Variants in PLXDC2 observed in about 807,000 individuals in gnomAD.
PLXDC2 encodes plexin domain containing 2.
PLXDC2 carries 40 observed loss-of-function variants against 68.9 expected under a neutral mutation model. The observed-to-expected ratio is 0.58, with a 90% CI of 0.45 to 0.76. The LOEUF is 0.76. Ranked by LOEUF, PLXDC2 falls within the 30% of genes least tolerant of loss-of-function variation. PLXDC2 has a pLI of 0.00. For synonymous variants in PLXDC2, 243 were observed against 234.2 expected, an observed-to-expected ratio of 1.04 and a Z score of -0.34; for missense variants, 644 against 661.9, an observed-to-expected ratio of 0.97 and a Z score of 0.30.
chr10:19,943,151 A>G (rs1285673395), intron 1 of PLXDC2, among the ~76,000 whole-genome samples: 2 of 152,190 alleles, frequency 1.3e-5, no homozygotes, highest in Non-Finnish European at 2.9e-5. Flanking sequence ...ATTTTCACAG[A>G]GGAGGATTCT....
rs144148203 is a variant in PLXDC2 at position 19,960,019 on chromosome 10, A to G, written c.113-41756A>G. ...CACTCACACAAAATGTAATGACTTC[A>G]TAAATACTTGTTATGGAAAGGGAAA... On this transcript the variant is annotated intron_variant, in intron 1 of 13. Transcript: ENST00000377252. Among the ~76,000 whole-genome samples the G allele has an allele frequency of 4.9e-3, 746 of 152,216 alleles. 6 individuals are homozygous for G. Among genetic ancestry groups the G allele is most frequent in the African/African-American group, 0.016 (657 of 41,540 alleles).
At chr10:20,003,018 GGGA>G (rs1834968822) in intron 2 of PLXDC2, among the ~76,000 whole-genome samples, 1 of 152,152 alleles carries the variant, frequency 6.6e-6, no homozygotes. Context: ...ATGAAGCGGA[GGGA>G]GGAGAATGGT....
At chr10:19,921,815 T>C (rs1833465910) in intron 1 of PLXDC2, among the ~76,000 whole-genome samples, 2 of 152,166 alleles carry the variant, frequency 1.3e-5, no homozygotes, top group African/African-American at 4.8e-5. Context: ...TTAGGGCCAG[T>C]TGGGACAACT....
chr10:19,837,407 AGAGTGT>A (rs1280275938), intron 1 of PLXDC2, among the ~76,000 whole-genome samples: 7,677 of 87,034 alleles, frequency 0.088, 149 homozygotes, highest in Admixed American at 0.093. Context: ...AGAGAGAGAG[AGAGTGT>A]GTGTGTGTGT....
At chr10:20,114,671 T>C (rs1049640049) in intron 4 of PLXDC2, among the ~76,000 whole-genome samples, 1 of 152,048 alleles carries the variant, frequency 6.6e-6, no homozygotes, top group South Asian at 2.1e-4. Context: ...AAAAGATGAA[T>C]AGGATTTTTC....
At chr10:19,834,256 C>T (rs142168066) in intron 1 of PLXDC2, among the ~76,000 whole-genome samples, 1 of 151,926 alleles carries the variant, frequency 6.6e-6, no homozygotes, top group Admixed American at 6.6e-5. Flanking sequence ...TTTCAATGGA[C>T]TGGGAAAGGA....
chr10:19,834,430 G>A (rs959057669), intron 1 of PLXDC2, among the ~76,000 whole-genome samples: 2 of 152,114 alleles, frequency 1.3e-5, no homozygotes, highest in African/African-American at 2.4e-5. Flanking sequence ...CCAAAAAGGG[G>A]CTGAGAGAAA....
chr10:20,218,756 G>C (rs1835173054), intron 11 of PLXDC2, among the ~76,000 whole-genome samples: 1 of 152,074 alleles, frequency 6.6e-6, no homozygotes, highest in South Asian at 2.1e-4. Flanking sequence ...ATTACAATAA[G>C]TGATTTTAGA....
chr10:20,119,141 G>A (rs754043643), intron 4 of PLXDC2, among the ~76,000 whole-genome samples: 10 of 152,038 alleles, frequency 6.6e-5, no homozygotes, highest in East Asian at 1.9e-4. Flanking sequence ...ATCAAGTAAC[G>A]AACATGTAAG....
chr10:20,034,078 TAAAG>T (rs1183437588), intron 2 of PLXDC2, among the ~76,000 whole-genome samples: 5 of 152,182 alleles, frequency 3.3e-5, no homozygotes, highest in African/African-American at 9.6e-5. Context: ...AATTAATACA[TAAAG>T]AGAGACTCCT....
chr10:19,817,278 A>C, intron 1 of PLXDC2, 87 bp downstream of exon 1: 3 of 1,065,958 alleles, frequency 2.8e-6, no homozygotes, highest in Non-Finnish European at 4.2e-6. Context: ...TCTCCCCCCA[A>C]CATCACCTAT....
rs954843101 is a variant in PLXDC2, at chr10:20,285,381, C to G, written c.*5562C>G. On this transcript the variant is annotated 3_prime_UTR_variant, in exon 14 of 14. Transcript: ENST00000377252. Reference sequence around the variant, plus strand: ...ACTTGTGATATACAGTAGTGAGAGTCCAGGCATGTAACCGATCATTATAAT... The same window carrying G: ...ACTTGTGATATACAGTAGTGAGAGTGCAGGCATGTAACCGATCATTATAAT... 3 of 152,134 alleles carry G rather than the reference C, an allele frequency of 2.0e-5. No homozygotes were observed. The highest frequency in any genetic ancestry group is 2.0e-4 in the Admixed American group (3 of 15,274). 9.4% of individuals were successfully genotyped at this position (152,134 alleles called of 1,614,324 possible). A position where few individuals can be genotyped will look rare whatever the true frequency, so the allele number is the denominator to read the frequency against.
At chr10:19,915,108 A>C (rs1302084156) in intron 1 of PLXDC2, among the ~76,000 whole-genome samples, 1 of 152,164 alleles carries the variant, frequency 6.6e-6, no homozygotes, top group Admixed American at 6.6e-5. Flanking sequence ...TAGAACATTT[A>C]CACTTAATAA....
At chr10:19,921,860 T>A (rs1926205) in intron 1 of PLXDC2, among the ~76,000 whole-genome samples, 7,186 of 152,198 alleles carry the variant, frequency 0.047, 202 homozygotes, top group South Asian at 0.098. Flanking sequence ...CAATTTTTTT[T>A]AATTTTTTTA....
At chr10:20,155,256 A>G (rs1834202860) in intron 6 of PLXDC2, among the ~76,000 whole-genome samples, 1 of 152,228 alleles carries the variant, frequency 6.6e-6, no homozygotes, top group African/African-American at 2.4e-5. Flanking sequence ...GAAAGTATTG[A>G]AAGATGAACA....
chr10:19,844,898 A>G (rs1836977139), intron 1 of PLXDC2, among the ~76,000 whole-genome samples: 1 of 152,200 alleles, frequency 6.6e-6, no homozygotes, highest in Non-Finnish European at 1.5e-5. Context: ...CTGTCCAAAA[A>G]TGTCACTTAT....
intron 7 of PLXDC2, among the ~76,000 whole-genome samples, chr10:20,169,714 A>G (rs1057075702): frequency 2.6e-5 from 4 of 152,144 alleles, no homozygotes; most frequent in Non-Finnish European, 2.9e-5. Flanking sequence ...CACTCATGCC[A>G]TGTGGTTCTT....
At chr10:20,246,814 T>C (rs747795256) in intron 13 of PLXDC2, among the ~76,000 whole-genome samples, 4 of 152,270 alleles carry the variant, frequency 2.6e-5, no homozygotes, top group African/African-American at 4.8e-5. Flanking sequence ...CTTGGAATTA[T>C]GTTCACTTGT....
intron 2 of PLXDC2, among the ~76,000 whole-genome samples, chr10:20,032,386 G>A (rs1270995119): frequency 1.3e-5 from 2 of 152,144 alleles, no homozygotes; most frequent in Non-Finnish European, 2.9e-5. Flanking sequence ...GTGTGGTAAG[G>A]ATATTGGATT....
Sources: allele counts gnomAD v4.1 joint callset (sites outside exome capture counted in the v4.1 genomes callset), GRCh38; gene constraint gnomAD v4.1.1; transcripts MANE v1.5; gene names NCBI Gene and HGNC (gene_info 2026-07-23, HGNC 2026-07-21).